Variants in PPFIA2 observed in about 807,000 individuals in gnomAD.
PPFIA2 encodes PPFI scaffold protein A2, also known as liprin-alpha-2.
PPFIA2 carries 46 observed loss-of-function variants against 175.5 expected under a neutral mutation model. The ratio of observed to expected loss-of-function variants is 0.26; its 90% confidence interval spans 0.21 to 0.34. The LOEUF (loss-of-function observed/expected upper bound fraction) is 0.34, where lower values mean the gene tolerates loss of function less well. Ranked by LOEUF, PPFIA2 falls within the 10% of genes least tolerant of loss-of-function variation. The pLI, the probability that PPFIA2 is intolerant of heterozygous loss-of-function variation, is 1.00. For missense variants in PPFIA2, 1,179 were observed against 1,506.1 expected (o/e 0.78, Z 3.60); for synonymous variants, 568 against 511.4 (o/e 1.11, Z -1.49).
chr12:81,284,401 A>T (rs561489674), intron 24 of PPFIA2, 98 bp from the exon 25 acceptor site: 2 of 841,160 alleles, frequency 2.4e-6, no homozygotes, highest in South Asian at 2.9e-5. Flanking sequence ...GCAACACAGC[A>T]ATACCACAGT....
At chr12:81,575,633 A>G (rs928321684) in intron 4 of PPFIA2, among the ~76,000 whole-genome samples, 1 of 151,830 alleles carries the variant, frequency 6.6e-6, no homozygotes, top group Non-Finnish European at 1.5e-5. Context: ...ATAAATGTAT[A>G]ATTATATACT....
At chr12:81,499,930 C>G (rs1005227390) in intron 4 of PPFIA2, among the ~76,000 whole-genome samples, 6 of 152,032 alleles carry the variant, frequency 3.9e-5, no homozygotes, top group Non-Finnish European at 8.8e-5. Flanking sequence ...CTCCAAAACG[C>G]CACTCTTCCA....
chr12:81,273,860 CAG>C (rs1471054880), intron 28 of PPFIA2, among the ~76,000 whole-genome samples: 2 of 151,924 alleles, frequency 1.3e-5, no homozygotes, highest in East Asian at 1.9e-4. Flanking sequence ...GTCCTCCCCT[CAG>C]AGTTTTGCCT....
chr12:81,598,192 C>A (rs2059449143), intron 4 of PPFIA2: 4 of 1,360,064 alleles, frequency 2.9e-6, no homozygotes, highest in Non-Finnish European at 3.8e-6. Flanking sequence ...TTGAATTGTT[C>A]TTCTACATTT....
chr12:81,449,096 G>A (rs1566879481), intron 5 of PPFIA2, among the ~76,000 whole-genome samples: 1 of 152,176 alleles, frequency 6.6e-6, no homozygotes, highest in African/African-American at 2.4e-5. Flanking sequence ...TCACCTTGTA[G>A]ATATCAGCCT....
intron 17 of PPFIA2, among the ~76,000 whole-genome samples, chr12:81,351,436 T>C (rs2059982155): frequency 6.6e-6 from 1 of 152,150 alleles, no homozygotes; most frequent in African/African-American, 2.4e-5. Context: ...TGATTTGTTA[T>C]AAACTTCAGC....
At chr12:81,695,922 C>G (rs897514073) in intron 3 of PPFIA2, among the ~76,000 whole-genome samples, 13 of 151,976 alleles carry the variant, frequency 8.6e-5, no homozygotes, top group African/African-American at 3.1e-4. Flanking sequence ...CAGTATCCCC[C>G]CAAAATGAGA....
intron 21 of PPFIA2, among the ~76,000 whole-genome samples, chr12:81,337,054 A>T (rs1012832718): frequency 6.6e-6 from 1 of 152,202 alleles, no homozygotes; most frequent in Admixed American, 6.5e-5. Flanking sequence ...CTAAAGTATC[A>T]GTGGGGCCCA....
chr12:81,442,319 G>A (rs1045034338), intron 6 of PPFIA2, among the ~76,000 whole-genome samples: 1 of 151,932 alleles, frequency 6.6e-6, no homozygotes, highest in Non-Finnish European at 1.5e-5. Flanking sequence ...TATCAATAAT[G>A]CAAACTGAAA....
rs150017081 is a variant in PPFIA2 at position 81,532,947 on chromosome 12, C to T, written c.304-75081G>A. 2.8e-3 allele frequency among the ~76,000 whole-genome samples: 419 copies of T among 149,614 alleles called. 1 individual carries two copies. The highest frequency in any genetic ancestry group is 4.8e-3 in the Non-Finnish European group (322 of 67,506). ...TTTATCTCAACCAAGAAGGCATCTTCATTTAACAAATATCATTTAATTTTT... is the reference window on the plus strand; with the variant it reads ...TTTATCTCAACCAAGAAGGCATCTTTATTTAACAAATATCATTTAATTTTT... On this transcript the variant is annotated intron_variant, in intron 4 of 32. Transcript: ENST00000549396.
At chr12:81,345,785 A>C (rs554314127) in intron 18 of PPFIA2, among the ~76,000 whole-genome samples, 2 of 152,290 alleles carry the variant, frequency 1.3e-5, no homozygotes, top group South Asian at 4.1e-4. Flanking sequence ...TAAGCAAGAG[A>C]CAATAACACT....
chr12:81,259,850 G>C (rs1345255557), intron 32 of PPFIA2, 190 bp from the exon 33 acceptor site: 1 of 424,072 alleles, frequency 2.4e-6, no homozygotes, highest in Admixed American at 4.1e-5. Flanking sequence ...ATTTGGTGCA[G>C]GGGAGCTTAA....
Position 81,605,793 on chromosome 12 carries a change from A to G in PPFIA2, c.303+70998T>C, listed in dbSNP as rs577152504. On this transcript the variant is annotated intron_variant, in intron 4 of 32. Transcript: ENST00000549396. The stretch of plus-strand genomic sequence containing the variant: ...AGCTTTATATCATGAGTTCTACAAT[A>G]TGTAGCAAAAATGACCCTTTACAGA... Among the ~76,000 whole-genome samples, 3 of 151,978 alleles carry G rather than the reference A, an allele frequency of 2.0e-5. No homozygotes were observed. In the South Asian group the frequency reaches 6.2e-4, roughly 32 times the overall value.
chr12:81,637,811 T>C (rs2064310286), intron 4 of PPFIA2, among the ~76,000 whole-genome samples: 1 of 152,170 alleles, frequency 6.6e-6, no homozygotes, highest in Non-Finnish European at 1.5e-5. Context: ...TGCACATGTA[T>C]CATGTGCCAT....
At chr12:81,469,076 G>A (rs950761842) in intron 4 of PPFIA2, among the ~76,000 whole-genome samples, 9 of 152,208 alleles carry the variant, frequency 5.9e-5, no homozygotes, top group South Asian at 2.1e-4. Flanking sequence ...AACATGACAC[G>A]GTGTCATCAA....
chr12:81,428,463 C>T (rs976748332), intron 7 of PPFIA2, among the ~76,000 whole-genome samples: 2 of 151,874 alleles, frequency 1.3e-5, no homozygotes, highest in African/African-American at 4.8e-5. Flanking sequence ...TTATAAAACA[C>T]CTTGATTTTT....
At chr12:81,406,837 T>C (rs2043023447) in intron 7 of PPFIA2, among the ~76,000 whole-genome samples, 1 of 152,136 alleles carries the variant, frequency 6.6e-6, no homozygotes, top group South Asian at 2.1e-4. Context: ...TGAATAATAT[T>C]AAACTTACAT....
At chr12:81,606,825 C>G (rs1256662065) in intron 4 of PPFIA2, among the ~76,000 whole-genome samples, 1 of 151,890 alleles carries the variant, frequency 6.6e-6, no homozygotes, top group African/African-American at 2.4e-5. Flanking sequence ...AATTAGGTAC[C>G]ATTTGTCCAT....
intron 28 of PPFIA2, among the ~76,000 whole-genome samples, chr12:81,275,529 G>A (rs955221180): frequency 3.3e-5 from 5 of 151,946 alleles, no homozygotes; most frequent in African/African-American, 4.8e-5. Flanking sequence ...AGCACTAAAC[G>A]TTAATATTGG....
Sources: allele counts gnomAD v4.1 joint callset (sites outside exome capture counted in the v4.1 genomes callset), GRCh38; gene constraint gnomAD v4.1.1; transcripts MANE v1.5; gene names NCBI Gene and HGNC (gene_info 2026-07-23, HGNC 2026-07-21).